Variants in ADAMTSL1 observed in about 807,000 individuals in gnomAD.
ADAMTSL1 encodes the protein ADAMTS like 1, also known as ADAMTS-like protein 1.
ADAMTSL1 carries 126 observed loss-of-function variants against 201.8 expected under a neutral mutation model. The observed-to-expected ratio is 0.62, with a 90% CI of 0.54 to 0.72. The LOEUF is 0.72. ADAMTSL1 is among the 30% of genes least tolerant of loss of function. The pLI is 0.00. For synonymous variants in ADAMTSL1, 1,121 were observed against 903.4 expected (o/e 1.24, Z -4.32); for missense variants, 2,679 against 2,277.8 (o/e 1.18, Z -3.59).
chr9:18,022,360 C>T (rs967722850), intron 1 of ADAMTSL1, among the ~76,000 whole-genome samples: 2 of 152,116 alleles, frequency 1.3e-5, no homozygotes, highest in African/African-American at 2.4e-5. Flanking sequence ...TCTCCCTTTC[C>T]CAAGATTATT....
At chr9:18,740,585 T>C (rs1019012074) in intron 15 of ADAMTSL1, among the ~76,000 whole-genome samples, 11 of 149,576 alleles carry the variant, frequency 7.4e-5, no homozygotes, top group African/African-American at 2.7e-4. Flanking sequence ...CCAGCGATTC[T>C]CCTGCCTCGC....
intron 26 of ADAMTSL1, among the ~76,000 whole-genome samples, chr9:18,904,368 C>G (rs1243013789): frequency 6.6e-6 from 1 of 151,856 alleles, no homozygotes; most frequent in African/African-American, 2.4e-5. Flanking sequence ...ACTTGGGAGG[C>G]TGAAACAGGA....
intron 2 of ADAMTSL1, among the ~76,000 whole-genome samples, chr9:18,228,502 C>T (rs1213131606): frequency 1.3e-5 from 2 of 152,048 alleles, no homozygotes; most frequent in Non-Finnish European, 2.9e-5. Flanking sequence ...CTCACTGTGC[C>T]CTTGAACTCC....
intron 1 of ADAMTSL1, among the ~76,000 whole-genome samples, chr9:18,504,486 A>G (rs1260262900): frequency 1.3e-5 from 2 of 152,184 alleles, no homozygotes; most frequent in Non-Finnish European, 2.9e-5. Flanking sequence ...TCCTTTCACT[A>G]AGAGATGAAG....
chr9:18,175,250 T>C (rs1828089288), intron 2 of ADAMTSL1, among the ~76,000 whole-genome samples: 1 of 152,188 alleles, frequency 6.6e-6, no homozygotes, highest in Admixed American at 6.5e-5. Context: ...CCTAAGATAT[T>C]GTGTTTCAAA....
intron 2 of ADAMTSL1, among the ~76,000 whole-genome samples, chr9:18,429,374 T>C (rs1392273218): frequency 6.6e-6 from 1 of 152,194 alleles, no homozygotes; most frequent in Non-Finnish European, 1.5e-5. Context: ...TAACTTTGCA[T>C]TACATACCCT....
intron 1 of ADAMTSL1, among the ~76,000 whole-genome samples, chr9:18,009,509 T>C (rs2131552515): frequency 6.6e-6 from 1 of 152,196 alleles, no homozygotes; most frequent in South Asian, 2.1e-4. Flanking sequence ...TTAGTTACTC[T>C]TTGCTGTTTC....
intron 17 of ADAMTSL1, among the ~76,000 whole-genome samples, chr9:18,773,408 C>G: frequency 6.6e-6 from 1 of 151,880 alleles, no homozygotes; most frequent in East Asian, 1.9e-4. Flanking sequence ...AAAAAAAATT[C>G]TAAAAGAAAG....
chr9:18,025,081 T>C (rs1820637319), intron 1 of ADAMTSL1, among the ~76,000 whole-genome samples: 1 of 151,982 alleles, frequency 6.6e-6, no homozygotes, highest in African/African-American at 2.4e-5. Context: ...AGAAGTGTTG[T>C]TCATTTCCTT....
intron 23 of ADAMTSL1, among the ~76,000 whole-genome samples, chr9:18,875,723 G>T (rs1383014533): frequency 6.6e-6 from 1 of 152,092 alleles, no homozygotes; most frequent in Non-Finnish European, 1.5e-5. Flanking sequence ...TGTATATTCT[G>T]CAGTTGTTGG....
chr9:18,629,935 C>A (rs376717739), intron 5 of ADAMTSL1, among the ~76,000 whole-genome samples: 1 of 151,990 alleles, frequency 6.6e-6, no homozygotes, highest in Non-Finnish European at 1.5e-5. Context: ...ATTTTAATAT[C>A]CATTCTGTGT....
chr9:17,986,917 C>G (rs1272572705), intron 1 of ADAMTSL1, among the ~76,000 whole-genome samples: 1 of 152,008 alleles, frequency 6.6e-6, no homozygotes, highest in East Asian at 1.9e-4. Flanking sequence ...TAAATGTGTG[C>G]TATTTCTTCA....
At chr9:18,169,338 A>G (rs1417047024) in intron 2 of ADAMTSL1, among the ~76,000 whole-genome samples, 1 of 151,890 alleles carries the variant, frequency 6.6e-6, no homozygotes, top group East Asian at 1.9e-4. Flanking sequence ...TCAGCTTTCT[A>G]CATATGGCTA....
At chr9:18,040,777 ACTTTGG>A in intron 1 of ADAMTSL1, among the ~76,000 whole-genome samples, 2 of 152,180 alleles carry the variant, frequency 1.3e-5, no homozygotes, top group Middle Eastern at 6.8e-3. Flanking sequence ...AAAAAAAAAT[ACTTTGG>A]GAAGGTTAAA....
In ADAMTSL1 at chr9:18,906,837, G is replaced by A. The variant is rs1350761300; in HGVS notation, c.5107G>A (p.Val1703Met). Residue 1703 changes from valine (V) to methionine (M), a missense_variant, in exon 28 of 29, where the codon GTG (valine) becomes ATG (methionine). Val to Met is a conservative substitution (Grantham distance 21, BLOSUM62 1). Transcript: ENST00000380548. ...TGTGCATGCCCGCACCAACAAGGCA[G>A]TGCCTGAGCACCTGTGCTCCTGGGG... The part of the protein sequence containing the change: ...ECVHARTNKA[V>M]PEHLCSWGPR... 2 of 1,614,048 alleles carry A rather than the reference G, an allele frequency of 1.2e-6. No individual in the cohort carries two copies. Among genetic ancestry groups the A allele is most frequent in the Non-Finnish European group, 1.7e-6 (2 of 1,179,894 alleles).
intron 2 of ADAMTSL1, among the ~76,000 whole-genome samples, chr9:18,369,432 C>T (rs1836940284): frequency 6.6e-6 from 1 of 152,104 alleles, no homozygotes; most frequent in Non-Finnish European, 1.5e-5. Flanking sequence ...AATGAGCTAC[C>T]ATCTCACATC....
intron 1 of ADAMTSL1, among the ~76,000 whole-genome samples, chr9:17,919,553 A>G (rs1360463194): frequency 6.6e-6 from 1 of 152,208 alleles, no homozygotes; most frequent in Non-Finnish European, 1.5e-5. Flanking sequence ...AGATTTTCGT[A>G]TCAATGGAAT....
chr9:18,214,267 T>C (rs1031783873), intron 2 of ADAMTSL1, among the ~76,000 whole-genome samples: 5 of 152,226 alleles, frequency 3.3e-5, no homozygotes, highest in African/African-American at 1.2e-4. Flanking sequence ...ATAGTTATAG[T>C]ACATGTTATC....
chr9:18,158,655 A>G (rs1191795620), intron 1 of ADAMTSL1, among the ~76,000 whole-genome samples: 2 of 152,036 alleles, frequency 1.3e-5, no homozygotes, highest in African/African-American at 4.8e-5. Context: ...AGTTGAATAT[A>G]TCTATTTTCA....
Sources: gnomAD v4.1 joint callset for allele counts (sites outside exome capture counted in the v4.1 genomes callset) on GRCh38, gnomAD v4.1.1 for gene constraint, MANE v1.5 for transcripts, NCBI Gene and HGNC (gene_info 2026-07-23, HGNC 2026-07-21) for gene names.